ALDH7A1: variants seen among roughly 807,000 people sequenced by gnomAD.
The protein encoded by ALDH7A1 is alpha-aminoadipic semialdehyde dehydrogenase.
In ALDH7A1, 63 loss-of-function variants were observed where a neutral mutation model predicts 79.9. The ratio of observed to expected loss-of-function variants is 0.79; its 90% CI spans 0.64 to 0.97. ALDH7A1 has a LOEUF of 0.97. ALDH7A1 is among the 50% of genes least tolerant of loss of function. ALDH7A1 has a pLI of 0.00. For missense variants in ALDH7A1, 627 were observed against 665.2 expected (o/e 0.94, Z 0.63); for synonymous variants, 240 against 231.2 (o/e 1.04, Z -0.34).
intron 8 of ALDH7A1, chr5:126,569,911 T>C (rs1750718338): frequency 6.6e-6 from 1 of 152,198 alleles, no homozygotes; most frequent in Non-Finnish European, 1.5e-5. Flanking sequence ...CCAGTATGGG[T>C]TGTAAGACTT....
intron 5 of ALDH7A1, among the ~76,000 whole-genome samples, chr5:126,582,579 T>C (rs989599903): frequency 5.3e-5 from 8 of 152,232 alleles, no homozygotes; most frequent in African/African-American, 1.9e-4. Flanking sequence ...TAGAGCTCTT[T>C]GGGTATATTT....
At position 126,590,005 on chromosome 5, in the gene ALDH7A1, G is replaced by A. The variant is rs1475390709; in HGVS notation, c.312+2659C>T. Among the ~76,000 whole-genome samples the A allele has an allele frequency of 7.4e-5, 9 of 122,410 alleles. 1 individual carries two copies. The highest frequency in any genetic ancestry group is 4.0e-4 in the Admixed American group (5 of 12,388). 80.3% of individuals were successfully genotyped at this position (122,410 alleles called of 152,430 possible). A position where few individuals can be genotyped will look rare whatever the true frequency, so the allele number is the denominator to read the frequency against. On this transcript the variant is annotated intron_variant, in intron 3 of 17. Transcript: ENST00000409134. ...GAGCGCCTCTGCCCAGCTGCCCACT[G>A]TCTGGGAAGTGAGGAGTGCCTCTGC... is the stretch of plus-strand genomic sequence containing the variant.
At position 126,549,957 on chromosome 5, in the gene ALDH7A1, T is replaced by G; in HGVS notation, c.1461A>C (p.Thr487=). 1 of 1,614,162 alleles carries G rather than the reference T, an allele frequency of 6.2e-7. No individual in the cohort carries two copies. The highest frequency in any genetic ancestry group is 1.3e-5 in the African/African-American group (1 of 75,046). The change falls in exon 16 of 18, where the codon ACA becomes ACC. Residue 487 remains threonine (T), a synonymous_variant. Transcript: ENST00000409134. ...AGGCACCTCCAATCTCAGCCCCACT[T>G]GTTGGAATGTTGACATTTACAATGC... ...DCGIVNVNIP[T]SGAEIGGAFG... is the part of the protein sequence containing the mutation.
chr5:126,579,797 G>A (rs534088250), intron 5 of ALDH7A1, among the ~76,000 whole-genome samples: 2 of 152,066 alleles, frequency 1.3e-5, no homozygotes, highest in South Asian at 4.1e-4. Flanking sequence ...GTCTCTACAA[G>A]AAAAATTTTT....
At chr5:126,575,591 G>C (rs1030220044) in intron 6 of ALDH7A1, 127 bp from the exon 7 acceptor site, 1 of 767,582 alleles carries the variant, frequency 1.3e-6, no homozygotes, top group Non-Finnish European at 2.1e-6. Flanking sequence ...ACTAACAAGT[G>C]AGTCTAGTAA....
chr5:126,580,682 C>T (rs1751142479), intron 5 of ALDH7A1, among the ~76,000 whole-genome samples: 1 of 152,198 alleles, frequency 6.6e-6, no homozygotes, highest in South Asian at 2.1e-4. Flanking sequence ...AGAAAATCCA[C>T]TACTAGTAAT....
chr5:126,554,494 A>C, intron 12 of ALDH7A1, 101 bp from the exon 13 acceptor site: 1 of 875,592 alleles, frequency 1.1e-6, no homozygotes, highest in Non-Finnish European at 1.9e-6. Flanking sequence ...CCCTTCCTAT[A>C]TGCTCTCAAT....
chr5:126,542,215 A>C lies in ALDH7A1; in HGVS notation c.*2750T>G, dbSNP rs1156997038. On this transcript the variant is annotated 3_prime_UTR_variant, in exon 18 of 18. Coordinates refer to ENST00000409134, the MANE Select transcript of ALDH7A1 (RefSeq NM_001182.5). The stretch of plus-strand genomic sequence containing the variant: ...TCATAAAAATATTGAAACTGAAAAC[A>C]CTTAAAAAGCATTCCAAATCAGCTT... The C allele has an allele frequency of 6.6e-6, 1 of 152,098 alleles. No individual in the cohort carries two copies. Among genetic ancestry groups the C allele is most frequent in the Non-Finnish European group, 1.5e-5 (1 of 68,026 alleles). The allele number at this position is 152,098 out of a possible 1,614,324, so 9.4% of individuals were successfully genotyped here. A position where few individuals can be genotyped will look rare whatever the true frequency, so the allele number is the denominator to read the frequency against.
At chr5:126,564,872 T>G (rs774227927) in intron 9 of ALDH7A1, among the ~76,000 whole-genome samples, 172 of 152,154 alleles carry the variant, frequency 1.1e-3, no homozygotes, top group Non-Finnish European at 9.6e-4. Flanking sequence ...TATCAGGCGC[T>G]CTCTGACTAT....
At chr5:126,575,818 C>A (rs1750945376) in intron 6 of ALDH7A1, among the ~76,000 whole-genome samples, 1 of 152,184 alleles carries the variant, frequency 6.6e-6, no homozygotes, top group South Asian at 2.1e-4. Context: ...ACTCAGAGAG[C>A]TGAGGAAAAC....
chr5:126,565,204 C>T (rs1451777710), intron 9 of ALDH7A1, among the ~76,000 whole-genome samples: 1 of 151,906 alleles, frequency 6.6e-6, no homozygotes, highest in Admixed American at 6.6e-5. Context: ...ACCAGCCTGG[C>T]CAAGATGGTG....
Position 126,554,357 on chromosome 5 carries a change from G to A in ALDH7A1, c.1130C>T (p.Ala377Val). 1 of 1,614,062 alleles carries A rather than the reference G, an allele frequency of 6.2e-7. No individual in the cohort carries two copies. The highest frequency in any genetic ancestry group is 8.5e-7 in the Non-Finnish European group (1 of 1,179,990). ...CACTGCTCCAAGAAACATGCTCACT[G>A]CCTGCTTGGTGTGGAGTGGCCCATA... ...VLYGPLHTKQ[A>V]VSMFLGAVEE... Residue 377 changes from alanine (A) to valine (V), a missense_variant, in exon 13 of 18, where the codon GCA becomes GTA. Physicochemically the swap from Ala to Val is moderately conservative, Grantham distance 64 (BLOSUM62 0). Transcript: ENST00000409134.
chr5:126,548,173 T>C (rs1345008781), intron 16 of ALDH7A1, among the ~76,000 whole-genome samples: 1 of 151,984 alleles, frequency 6.6e-6, no homozygotes, highest in African/African-American at 2.4e-5. Flanking sequence ...AGAGACAGGG[T>C]CACACTCACT....
intron 9 of ALDH7A1, among the ~76,000 whole-genome samples, chr5:126,563,815 T>C (rs187825880): frequency 1.4e-4 from 22 of 151,906 alleles, no homozygotes; most frequent in African/African-American, 5.1e-4. Context: ...CTTTCTTTCT[T>C]TTTTCAAGAG....
intron 1 of ALDH7A1, 137 bp downstream of exon 1, chr5:126,594,870 A>C: frequency 8.2e-7 from 1 of 1,213,064 alleles, no homozygotes; most frequent in Non-Finnish European, 1.2e-6. Flanking sequence ...TACACGAGAA[A>C]ACTTTTACTG....
intron 16 of ALDH7A1, chr5:126,549,517 C>A: frequency 5.5e-6 from 1 of 181,396 alleles, no homozygotes. Context: ...TGAAAAGAAA[C>A]AACTTTGTAT....
intron 3 of ALDH7A1, chr5:126,587,125 G>C (rs1751381497): frequency 6.6e-6 from 1 of 151,782 alleles, no homozygotes; most frequent in Non-Finnish European, 1.5e-5. Context: ...CTGTCTTCAA[G>C]AACAGAGAGA....
chr5:126,575,558 A>G (rs1750936504), intron 6 of ALDH7A1, 94 bp from the exon 7 acceptor site: 12 of 1,154,092 alleles, frequency 1.0e-5, no homozygotes, highest in Non-Finnish European at 1.5e-5. Context: ...AAAGTGTGAG[A>G]AAAAGCTCTG....
In ALDH7A1 at chr5:126,545,240, T is replaced by C. The variant is rs552004317; in HGVS notation, c.1566-221A>G. ...CATAAAAATCTGGAAAGACATACCATACATGGTTTTTTTTGTTGGTGGTGG... is the reference window on the plus strand; with the variant it reads ...CATAAAAATCTGGAAAGACATACCACACATGGTTTTTTTTGTTGGTGGTGG... On this transcript the variant is annotated intron_variant, in intron 17 of 17. Coordinates refer to ENST00000409134, the MANE Select transcript of ALDH7A1 (RefSeq NM_001182.5). 3.9e-5 allele frequency among the ~76,000 whole-genome samples: 6 copies of C among 152,192 alleles called. No homozygotes were observed. In the South Asian group the frequency reaches 1.0e-3, roughly 26 times the overall value.
Sources: gnomAD v4.1 joint callset for allele counts (sites outside exome capture counted in the v4.1 genomes callset) on GRCh38, gnomAD v4.1.1 for gene constraint, MANE v1.5 for transcripts, NCBI Gene and HGNC (gene_info 2026-07-23, HGNC 2026-07-21) for gene names.